NCAM2: variants seen among roughly 807,000 people sequenced by gnomAD.
NCAM2 encodes the protein N-CAM-2.
A neutral mutation model predicts 98.1 loss-of-function variants in NCAM2; 30 were observed. The ratio of observed to expected loss-of-function variants is 0.31; its 90% CI spans 0.23 to 0.41. The LOEUF (loss-of-function observed/expected upper bound fraction) is 0.41. NCAM2 is among the 10% of genes least tolerant of loss of function. The pLI, the probability that NCAM2 is intolerant of heterozygous loss-of-function variation, is 1.00. For synonymous variants in NCAM2, 368 were observed against 342.4 expected (o/e 1.07, Z -0.83); for missense variants, 867 against 1,005.8 (o/e 0.86, Z 1.87).
intron 12 of NCAM2, among the ~76,000 whole-genome samples, chr21:21,445,655 A>G (rs375429546): frequency 3.5e-5 from 5 of 142,814 alleles, no homozygotes; most frequent in South Asian, 2.2e-4. Flanking sequence ...TAGGATTACA[A>G]CTCCTGCTTT....
intron 1 of NCAM2, among the ~76,000 whole-genome samples, chr21:21,211,364 C>G (rs2069655149): frequency 1.3e-5 from 2 of 152,068 alleles, no homozygotes; most frequent in South Asian, 4.1e-4. Flanking sequence ...TAATCCTTAC[C>G]ATGACCATAG....
chr21:21,127,768 T>C (rs1185897385), intron 1 of NCAM2, among the ~76,000 whole-genome samples: 4 of 152,160 alleles, frequency 2.6e-5, no homozygotes, highest in Admixed American at 6.6e-5. Flanking sequence ...GTTCCATCTA[T>C]GTTGCTGCAA....
Position 21,159,620 on chromosome 21 carries a change from A to G in NCAM2, c.56-120958A>G, listed in dbSNP as rs538209611. Among the ~76,000 whole-genome samples, 61 of 152,288 alleles carry G rather than the reference A, an allele frequency of 4.0e-4. No individual in the cohort carries two copies. The South Asian group carries it at 0.013, about 32-fold the overall frequency. On this transcript the variant is annotated intron_variant, in intron 1 of 17. Transcript: ENST00000400546. ...TAGCCTAGGAGCAATAAGTTATACCATATAGGCTAGGTGTGTAGTAGGCTA... is the reference window on the plus strand; with the variant it reads ...TAGCCTAGGAGCAATAAGTTATACCGTATAGGCTAGGTGTGTAGTAGGCTA...
chr21:21,111,711 T>G (rs2066458283), intron 1 of NCAM2, among the ~76,000 whole-genome samples: 1 of 152,184 alleles, frequency 6.6e-6, no homozygotes, highest in South Asian at 2.1e-4. Flanking sequence ...CTTTTATTTC[T>G]TTTTTCTTCC....
At chr21:21,337,078 A>T (rs987662636) in intron 7 of NCAM2, among the ~76,000 whole-genome samples, 31 of 152,256 alleles carry the variant, frequency 2.0e-4, no homozygotes, top group African/African-American at 7.5e-4. Flanking sequence ...TATTTTTTCT[A>T]TAAAACCTAC....
intron 1 of NCAM2, among the ~76,000 whole-genome samples, chr21:21,086,630 G>A (rs2065910122): frequency 6.6e-6 from 1 of 152,142 alleles, no homozygotes; most frequent in Non-Finnish European, 1.5e-5. Context: ...ATTTTTCAGT[G>A]TAGCAAAATG....
intron 1 of NCAM2, among the ~76,000 whole-genome samples, chr21:21,240,495 C>A (rs1237044675): frequency 6.6e-6 from 1 of 152,080 alleles, no homozygotes; most frequent in East Asian, 1.9e-4. Context: ...TTTTCTGTCT[C>A]TTTACCAGAG....
intron 1 of NCAM2, among the ~76,000 whole-genome samples, chr21:21,201,170 C>A (rs958279194): frequency 6.6e-6 from 1 of 151,970 alleles, no homozygotes; most frequent in African/African-American, 2.4e-5. Flanking sequence ...TTGCCATACA[C>A]GTGTATAATT....
intron 4 of NCAM2, among the ~76,000 whole-genome samples, chr21:21,287,982 G>T (rs767396618): frequency 6.6e-6 from 1 of 151,766 alleles, no homozygotes; most frequent in Admixed American, 6.6e-5. Flanking sequence ...TGACATCTAT[G>T]GGTGATTTGT....
intron 14 of NCAM2, among the ~76,000 whole-genome samples, chr21:21,469,716 T>C (rs1030985268): frequency 1.3e-5 from 2 of 152,032 alleles, no homozygotes; most frequent in Non-Finnish European, 2.9e-5. Flanking sequence ...ATCTACATTC[T>C]GAGGGGTAAT....
chr21:21,237,499 GA>G (rs1016356424), intron 1 of NCAM2, among the ~76,000 whole-genome samples: 1 of 151,920 alleles, frequency 6.6e-6, no homozygotes. Flanking sequence ...GAATTAGGAG[GA>G]AAAAATGTTT....
At chr21:21,200,639 TAAC>T (rs2069179122) in intron 1 of NCAM2, among the ~76,000 whole-genome samples, 1 of 152,008 alleles carries the variant, frequency 6.6e-6, no homozygotes, top group Admixed American at 6.6e-5. Flanking sequence ...TTTTGCTGGT[TAAC>T]TTACCACACT....
intron 15 of NCAM2, among the ~76,000 whole-genome samples, chr21:21,505,917 T>C (rs546132353): frequency 7.2e-5 from 11 of 151,922 alleles, no homozygotes; most frequent in Non-Finnish European, 1.5e-4. Context: ...ACTGTCTCCA[T>C]TTTAATAAAG....
At chr21:21,010,608 G>GA (rs2064191643) in intron 1 of NCAM2, among the ~76,000 whole-genome samples, 1 of 151,964 alleles carries the variant, frequency 6.6e-6, no homozygotes, top group Non-Finnish European at 1.5e-5. Context: ...TTCTTACTAG[G>GA]AAAATCAAAG....
intron 8 of NCAM2, among the ~76,000 whole-genome samples, chr21:21,360,027 A>C (rs1369176003): frequency 1.4e-4 from 22 of 152,000 alleles, no homozygotes; most frequent in Admixed American, 1.4e-3. Context: ...AAGTAAGTAT[A>C]GTATCTATGA....
At chr21:21,453,017 ATATATAATATATAAAAAT>A in intron 12 of NCAM2, among the ~76,000 whole-genome samples, 1 of 106,164 alleles carries the variant, frequency 9.4e-6, no homozygotes, top group Admixed American at 1.4e-4. Context: ...ATATATAAAA[ATATATAATATATAAAAAT>A]AATATATACA....
chr21:21,504,949 C>T (rs574022461), intron 15 of NCAM2, among the ~76,000 whole-genome samples: 1 of 151,724 alleles, frequency 6.6e-6, no homozygotes, highest in South Asian at 2.1e-4. Flanking sequence ...TCCAATTATA[C>T]TTTTAGTTAT....
chr21:21,050,480 C>T (rs549663482), intron 1 of NCAM2, among the ~76,000 whole-genome samples: 1 of 152,272 alleles, frequency 6.6e-6, no homozygotes, highest in South Asian at 2.1e-4. Flanking sequence ...CTTGTTGACC[C>T]ATTTTTTTTC....
chr21:21,113,962 C>T (rs1468537608), intron 1 of NCAM2, among the ~76,000 whole-genome samples: 3 of 152,036 alleles, frequency 2.0e-5, no homozygotes, highest in Non-Finnish European at 4.4e-5. Flanking sequence ...CCAAAAGTTC[C>T]ATATAATTCT....
Sources: allele counts gnomAD v4.1 joint callset (sites outside exome capture counted in the v4.1 genomes callset), GRCh38; gene constraint gnomAD v4.1.1; transcripts MANE v1.5; gene names NCBI Gene and HGNC (gene_info 2026-07-23, HGNC 2026-07-21).